Variants in BCKDHA observed in about 807,000 individuals in gnomAD.
BCKDHA encodes branched chain keto acid dehydrogenase E1 subunit alpha.
Under a neutral mutation model 52.2 loss-of-function variants are expected in BCKDHA, and 43 were observed. That is an observed-to-expected ratio of 0.82 (90% confidence interval 0.64 to 1.06). The LOEUF is 1.06. Ranked by LOEUF, BCKDHA falls within the 50% of genes least tolerant of loss-of-function variation. BCKDHA has a pLI of 0.00. For synonymous variants in BCKDHA, 234 were observed against 247.9 expected (o/e 0.94, Z 0.53); for missense variants, 527 against 621.3 (o/e 0.85, Z 1.61).
intron 1 of BCKDHA, among the ~76,000 whole-genome samples, chr19:41,398,970 T>A (rs1449628867): frequency 6.6e-6 from 1 of 151,958 alleles, no homozygotes; most frequent in Non-Finnish European, 1.5e-5. Flanking sequence ...CTAAGGGCAA[T>A]AGGAATGTTG....
At chr19:41,412,801 T>G (rs536110826) in intron 3 of BCKDHA, among the ~76,000 whole-genome samples, 4 of 152,204 alleles carry the variant, frequency 2.6e-5, no homozygotes, top group Non-Finnish European at 5.9e-5. Flanking sequence ...CCTCCCAGGT[T>G]CAAGTGATTC....
intron 1 of BCKDHA, among the ~76,000 whole-genome samples, chr19:41,401,124 T>C (rs767554709): frequency 7.2e-5 from 11 of 152,028 alleles, no homozygotes; most frequent in Admixed American, 1.3e-4. Flanking sequence ...TTGCCTAGGC[T>C]GGAGTGCAAT....
rs1310895606 is a variant in BCKDHA, at chr19:41,412,528, G to A, written c.375+1519G>A. Among the ~76,000 whole-genome samples the A allele has an allele frequency of 1.1e-4, 16 of 148,072 alleles. No individual in the cohort carries two copies. The East Asian group carries it at 2.2e-3, about 21-fold the overall frequency. On this transcript the variant is annotated intron_variant, in intron 3 of 8. Coordinates refer to ENST00000269980, the MANE Select transcript of BCKDHA (RefSeq NM_000709.4). ...CGAGTAGCTGGGATTACAGGCATGCGCCACCACACCTGGCTAATTTTGTAT... is the reference window on the plus strand; with the variant it reads ...CGAGTAGCTGGGATTACAGGCATGCACCACCACACCTGGCTAATTTTGTAT...
intron 3 of BCKDHA, among the ~76,000 whole-genome samples, chr19:41,412,669 C>T (rs1018098926): frequency 6.7e-6 from 1 of 149,382 alleles, no homozygotes; most frequent in Non-Finnish European, 1.5e-5. Context: ...TGAGCCACTG[C>T]ACCCAGCTGT....
chr19:41,419,102 C>T (rs1568506513), intron 4 of BCKDHA, 33 bp from the exon 5 acceptor site: 6 of 1,613,570 alleles, frequency 3.7e-6, no homozygotes, highest in South Asian at 1.1e-5. Flanking sequence ...CTGTACTGCC[C>T]ACTCGGCTAA....
intron 1 of BCKDHA, among the ~76,000 whole-genome samples, chr19:41,408,871 G>T (rs940431868): frequency 5.9e-5 from 9 of 152,126 alleles, no homozygotes; most frequent in Admixed American, 5.9e-4. Flanking sequence ...TGAGCCCAAA[G>T]TGTTGGGATT....
chr19:41,405,949 C>T (rs568549285), intron 1 of BCKDHA, among the ~76,000 whole-genome samples: 7 of 152,258 alleles, frequency 4.6e-5, no homozygotes, highest in African/African-American at 1.2e-4. Flanking sequence ...CACTGGCCAC[C>T]GGGACAGACT....
intron 1 of BCKDHA, among the ~76,000 whole-genome samples, chr19:41,406,559 A>G (rs1464818344): frequency 6.8e-6 from 1 of 146,224 alleles, no homozygotes; most frequent in Admixed American, 6.8e-5. Flanking sequence ...AAATGCCACC[A>G]TTCCCAGCTA....
At chr19:41,422,466 T>TTCTC in intron 6 of BCKDHA, 96 bp downstream of exon 6, 1 of 1,579,016 alleles carries the variant, frequency 6.3e-7, no homozygotes, top group Non-Finnish European at 8.7e-7. Context: ...TCCTTCCTGG[T>TTCTC]TCTCGTCCTG....
At chr19:41,408,442 G>A (rs769689356) in intron 1 of BCKDHA, among the ~76,000 whole-genome samples, 1 of 152,118 alleles carries the variant, frequency 6.6e-6, no homozygotes, top group Non-Finnish European at 1.5e-5. Flanking sequence ...ATAAGGGGGA[G>A]CTATTGCAAC....
chr19:41,403,005 C>T (rs964898439), intron 1 of BCKDHA, among the ~76,000 whole-genome samples: 1 of 152,146 alleles, frequency 6.6e-6, no homozygotes, highest in African/African-American at 2.4e-5. Context: ...TCTTTCCCTT[C>T]CTTGAATGTG....
At chr19:41,417,766 A>G (rs2122130512) in intron 4 of BCKDHA, among the ~76,000 whole-genome samples, 1 of 152,210 alleles carries the variant, frequency 6.6e-6, no homozygotes, top group Admixed American at 6.5e-5. Flanking sequence ...CTCTCCTGAA[A>G]ATGCAAAAAT....
intron 1 of BCKDHA, among the ~76,000 whole-genome samples, chr19:41,403,328 G>A (rs907672976): frequency 9.2e-5 from 14 of 152,184 alleles, no homozygotes; most frequent in Non-Finnish European, 2.9e-5. Flanking sequence ...TGCATGCACT[G>A]GACCTGAACA....
At chr19:41,412,558 A>G (rs1482751250) in intron 3 of BCKDHA, among the ~76,000 whole-genome samples, 2 of 148,488 alleles carry the variant, frequency 1.3e-5, no homozygotes, top group Non-Finnish European at 3.0e-5. Flanking sequence ...TTGTATTTTT[A>G]GTAGAGATGG....
chr19:41,410,288 G>C (rs2039237306), intron 1 of BCKDHA, among the ~76,000 whole-genome samples: 1 of 152,194 alleles, frequency 6.6e-6, no homozygotes, highest in African/African-American at 2.4e-5. Flanking sequence ...ATGCCAGGAT[G>C]AAGAGTTTGG....
chr19:41,422,361 G>A lies in BCKDHA; in HGVS notation c.844G>A (p.Asp282Asn), dbSNP rs869312124. 2 of 1,614,152 alleles carry A rather than the reference G, an allele frequency of 1.2e-6. No homozygotes were observed. Among genetic ancestry groups the A allele is most frequent in the East Asian group, 2.2e-5 (1 of 44,884 alleles). ...STPTSEQYRG[D>N]GIAARGPGYG... is the part of the protein sequence containing the mutation. Reference sequence around the variant, plus strand: ...GCCCACCTCTGAGCAGTATCGCGGCGATGGCATTGGTATGGGCTCTGCTGG... The same window carrying A: ...GCCCACCTCTGAGCAGTATCGCGGCAATGGCATTGGTATGGGCTCTGCTGG... Residue 282 changes from aspartate to asparagine, a missense_variant, in exon 6 of 9, where the codon GAT becomes AAT. By Grantham distance (23) the Asp-to-Asn change is conservative. Coordinates refer to ENST00000269980, the MANE Select transcript of BCKDHA (RefSeq NM_000709.4).
chr19:41,415,085 C>T (rs2039294023), intron 4 of BCKDHA, among the ~76,000 whole-genome samples: 2 of 152,186 alleles, frequency 1.3e-5, no homozygotes, highest in Admixed American at 6.5e-5. Flanking sequence ...GGCCAGACCA[C>T]GTGGCTGTCC....
intron 5 of BCKDHA, among the ~76,000 whole-genome samples, chr19:41,421,696 T>C (rs2039367212): frequency 6.6e-6 from 1 of 152,006 alleles, no homozygotes; most frequent in Non-Finnish European, 1.5e-5. Flanking sequence ...TTACTCAAAG[T>C]GGGACAGGAG....
At position 41,424,694 on chromosome 19, in the gene BCKDHA, C is replaced by T. The variant is rs1405632832; in HGVS notation, c.*86C>T. The T allele has an allele frequency of 2.1e-6, 3 of 1,416,320 alleles. No homozygotes were observed. Among genetic ancestry groups the T allele is most frequent in the Non-Finnish European group, 2.9e-6 (3 of 1,043,826 alleles). 87.7% of individuals were successfully genotyped at this position (1,416,320 alleles called of 1,614,324 possible). A position where few individuals can be genotyped will look rare whatever the true frequency, so the allele number is the denominator to read the frequency against. On this transcript the variant is annotated 3_prime_UTR_variant, in exon 9 of 9. Coordinates refer to ENST00000269980, the MANE Select transcript of BCKDHA (RefSeq NM_000709.4). Reference sequence around the variant, plus strand: ...GGGAGCAGGGGGACCTGACAGCACACCACTGTCTTCCCCAGTCAGCTCCCT... The same window carrying T: ...GGGAGCAGGGGGACCTGACAGCACATCACTGTCTTCCCCAGTCAGCTCCCT...
Sources: allele counts gnomAD v4.1 joint callset (sites outside exome capture counted in the v4.1 genomes callset), GRCh38; gene constraint gnomAD v4.1.1; transcripts MANE v1.5; gene names NCBI Gene and HGNC (gene_info 2026-07-23, HGNC 2026-07-21).